KCNH1: variants seen among roughly 807,000 people sequenced by gnomAD.
The protein encoded by KCNH1 is voltage-gated delayed rectifier potassium channel KCNH1.
KCNH1 carries 27 observed loss-of-function variants against 69.2 expected under a neutral mutation model. The observed-to-expected ratio is 0.39, with a 90% CI of 0.29 to 0.54. The LOEUF is 0.54. Ranked by LOEUF, KCNH1 falls within the 20% of genes least tolerant of loss-of-function variation. KCNH1 has a pLI of 0.68. For missense variants in KCNH1, 798 were observed against 1,261.6 expected, an observed-to-expected ratio of 0.63 and a Z score of 5.57; for synonymous variants, 456 against 487.7, an observed-to-expected ratio of 0.93 and a Z score of 0.86.
intron 10 of KCNH1, among the ~76,000 whole-genome samples, chr1:210,756,305 A>AGT (rs1207110596): frequency 2.6e-5 from 4 of 152,212 alleles, no homozygotes; most frequent in Non-Finnish European, 5.9e-5. Flanking sequence ...GGGGGTGTCC[A>AGT]GTGTATAATG....
intron 7 of KCNH1, among the ~76,000 whole-genome samples, chr1:210,917,018 CGTGCCT>C (rs1687346888): frequency 6.6e-6 from 1 of 151,512 alleles, no homozygotes; most frequent in Non-Finnish European, 1.5e-5. Context: ...TGTCATGGTG[CGTGCCT>C]ATAAGCCCAG....
chr1:211,106,747 A>T (rs1691355374), intron 2 of KCNH1, among the ~76,000 whole-genome samples: 1 of 130,094 alleles, frequency 7.7e-6, no homozygotes, highest in East Asian at 2.5e-4. Flanking sequence ...GTGAGCCAAG[A>T]TCATGTCACT....
At chr1:210,956,907 A>T (rs1688188275) in intron 6 of KCNH1, among the ~76,000 whole-genome samples, 1 of 151,580 alleles carries the variant, frequency 6.6e-6, no homozygotes, top group Non-Finnish European at 1.5e-5. Context: ...TCGTTTCTCT[A>T]TCTCCTTCAA....
At chr1:211,127,457 T>C (rs1406948654) in intron 1 of KCNH1, among the ~76,000 whole-genome samples, 1 of 151,326 alleles carries the variant, frequency 6.6e-6, no homozygotes, top group Non-Finnish European at 1.5e-5. Context: ...CCCACCACAC[T>C]TGCATGTACC....
intron 1 of KCNH1, among the ~76,000 whole-genome samples, chr1:211,120,649 A>G (rs757443118): frequency 6.6e-6 from 1 of 152,182 alleles, no homozygotes; most frequent in African/African-American, 2.4e-5. Flanking sequence ...AAAATAAGCA[A>G]TACAAAAATA....
intron 5 of KCNH1, among the ~76,000 whole-genome samples, chr1:211,028,087 C>G (rs1399825681): frequency 6.6e-6 from 1 of 152,044 alleles, no homozygotes; most frequent in East Asian, 1.9e-4. Flanking sequence ...TATGCTAGTC[C>G]ATAAAATAAA....
At chr1:211,087,877 G>A (rs1048619292) in intron 4 of KCNH1, among the ~76,000 whole-genome samples, 1 of 152,106 alleles carries the variant, frequency 6.6e-6, no homozygotes, top group Non-Finnish European at 1.5e-5. Flanking sequence ...GCATTTGCAC[G>A]ACCCATCCCC....
At chr1:210,788,474 A>C (rs1684144676) in intron 9 of KCNH1, among the ~76,000 whole-genome samples, 1 of 152,140 alleles carries the variant, frequency 6.6e-6, no homozygotes, top group Admixed American at 6.5e-5. Flanking sequence ...AAGTTATGAA[A>C]ATTTCCTTTA....
intron 5 of KCNH1, among the ~76,000 whole-genome samples, chr1:211,042,293 A>G (rs1404768441): frequency 1.3e-5 from 2 of 152,162 alleles, no homozygotes; most frequent in African/African-American, 4.8e-5. Flanking sequence ...ATTGTAATAC[A>G]TCTATCTATT....
intron 5 of KCNH1, among the ~76,000 whole-genome samples, chr1:211,022,384 T>C (rs1018361661): frequency 6.6e-6 from 1 of 152,096 alleles, no homozygotes; most frequent in African/African-American, 2.4e-5. Context: ...AAAATAAAAC[T>C]TCGGGGAAAC....
chr1:210,806,567 T>G (rs1684553765), intron 7 of KCNH1, among the ~76,000 whole-genome samples: 1 of 151,926 alleles, frequency 6.6e-6, no homozygotes, highest in Non-Finnish European at 1.5e-5. Flanking sequence ...TCATTGTACT[T>G]ATTTTTTTTC....
chr1:210,696,903 A>G (rs1027324653), intron 10 of KCNH1, among the ~76,000 whole-genome samples: 2 of 152,344 alleles, frequency 1.3e-5, no homozygotes, highest in East Asian at 1.9e-4. Flanking sequence ...CACCTGCCCA[A>G]CTGTGGTCTT....
At chr1:211,057,697 AAGAAAG>A (rs1045396958) in intron 5 of KCNH1, among the ~76,000 whole-genome samples, 4 of 151,688 alleles carry the variant, frequency 2.6e-5, no homozygotes, top group Admixed American at 6.6e-5. Flanking sequence ...GAGAGAGAGA[AAGAAAG>A]AGAGAGAGAG....
chr1:210,806,836 A>AAAATATATATATATATATATATAT (rs1553346591), intron 7 of KCNH1, among the ~76,000 whole-genome samples: 3 of 85,632 alleles, frequency 3.5e-5, no homozygotes, highest in Admixed American at 1.3e-4. Context: ...AAAAAAAAAA[A>AAAATATATATATATATATATATAT]ATATATATAT....
chr1:210,910,409 G>A (rs1232549130), intron 7 of KCNH1, among the ~76,000 whole-genome samples: 2 of 152,248 alleles, frequency 1.3e-5, no homozygotes, highest in South Asian at 2.1e-4. Flanking sequence ...CTGAGGGGCT[G>A]ACAAGCCAGA....
intron 5 of KCNH1, among the ~76,000 whole-genome samples, chr1:211,074,082 A>T (rs906729365): frequency 2.1e-5 from 3 of 139,888 alleles, no homozygotes; most frequent in African/African-American, 7.9e-5. Flanking sequence ...CCTTTCTTTC[A>T]TTCATTCCAC....
intron 10 of KCNH1, 120 bp from the exon 11 acceptor site, chr1:210,684,258 C>G: frequency 1.8e-6 from 2 of 1,088,114 alleles, no homozygotes; most frequent in African/African-American, 3.2e-5. Context: ...CACCAAGAGG[C>G]TGGGGCTCAC....
At chr1:210,964,017 A>C (rs536397781) in intron 6 of KCNH1, among the ~76,000 whole-genome samples, 3 of 152,232 alleles carry the variant, frequency 2.0e-5, no homozygotes, top group Non-Finnish European at 4.4e-5. Flanking sequence ...GAAATGAAGG[A>C]AAAAATGTTA....
chr1:210,722,738 T>G (rs1199424708), intron 10 of KCNH1, among the ~76,000 whole-genome samples: 1 of 152,240 alleles, frequency 6.6e-6, no homozygotes, highest in Non-Finnish European at 1.5e-5. Context: ...ATGGAAGGGA[T>G]GACTGTCCTC....
Sources: allele counts gnomAD v4.1 joint callset (sites outside exome capture counted in the v4.1 genomes callset), GRCh38; gene constraint gnomAD v4.1.1; transcripts MANE v1.5; gene names NCBI Gene and HGNC (gene_info 2026-07-23, HGNC 2026-07-21).